GRB10: variants seen among roughly 807,000 people sequenced by gnomAD.
The protein encoded by GRB10 is growth factor receptor-bound protein 10.
A neutral mutation model predicts 80.9 loss-of-function variants in GRB10; 20 were observed. The observed-to-expected ratio is 0.25, with a 90% CI of 0.17 to 0.36. The LOEUF is 0.36. Among genes scored for constraint, GRB10 ranks in the 10% least tolerant of loss-of-function variants. The pLI is 1.00. For synonymous variants in GRB10, 291 were observed against 291.5 expected (o/e 1.00, Z 0.02); for missense variants, 548 against 747.7 (o/e 0.73, Z 3.12).
At chr7:50,658,291 A>G (rs977532460) in intron 7 of GRB10, among the ~76,000 whole-genome samples, 1 of 152,232 alleles carries the variant, frequency 6.6e-6, no homozygotes, top group Non-Finnish European at 1.5e-5. Flanking sequence ...GTTTGCTCGC[A>G]GTCATTTATG....
intron 7 of GRB10, among the ~76,000 whole-genome samples, chr7:50,664,644 C>T (rs886774113): frequency 2.0e-5 from 3 of 152,164 alleles, no homozygotes; most frequent in African/African-American, 4.8e-5. Context: ...GAGGGTCTGA[C>T]GCAAAGGAGG....
At chr7:50,614,916 C>T (rs1194377355) in intron 11 of GRB10, 36 bp from the exon 12 acceptor site, 9 of 1,340,464 alleles carry the variant, frequency 6.7e-6, no homozygotes, top group Non-Finnish European at 9.7e-6. Context: ...GTCTCAAGCA[C>T]AGCAAAGAGC....
chr7:50,742,145 C>A (rs1044215751), intron 3 of GRB10, among the ~76,000 whole-genome samples: 22 of 152,110 alleles, frequency 1.4e-4, no homozygotes, highest in African/African-American at 5.1e-4. Flanking sequence ...GATGGAAGAA[C>A]CAATCAATGA....
At chr7:50,742,723 G>A (rs1408710261) in intron 3 of GRB10, among the ~76,000 whole-genome samples, 3 of 152,174 alleles carry the variant, frequency 2.0e-5, no homozygotes, top group East Asian at 3.9e-4. Context: ...AATGAATCTC[G>A]GGGATGGGGA....
At chr7:50,749,138 T>TTTTG (rs1370603339) in intron 3 of GRB10, among the ~76,000 whole-genome samples, 2 of 85,978 alleles carry the variant, frequency 2.3e-5, no homozygotes, top group Non-Finnish European at 3.1e-5. Context: ...TTGTTTGTTT[T>TTTTG]TTTTTTTTGA....
chr7:50,790,164 T>C (rs1251539688), intron 1 of GRB10, among the ~76,000 whole-genome samples: 2 of 152,184 alleles, frequency 1.3e-5, no homozygotes, highest in Non-Finnish European at 2.9e-5. Flanking sequence ...TCCCTAAAAG[T>C]GTGCAGCTAA....
At chr7:50,651,457 C>T (rs2058000203) in intron 7 of GRB10, among the ~76,000 whole-genome samples, 1 of 152,158 alleles carries the variant, frequency 6.6e-6, no homozygotes, top group African/African-American at 2.4e-5. Context: ...TCCAAATTTC[C>T]CCTTAGAAAA....
chr7:50,686,258 T>A (rs549431379), intron 5 of GRB10, among the ~76,000 whole-genome samples: 40 of 152,116 alleles, frequency 2.6e-4, no homozygotes, highest in Admixed American at 1.0e-3. Context: ...CATTCCACCA[T>A]GTGAGGACAC....
chr7:50,689,885 G>C (rs2062588446), intron 5 of GRB10, among the ~76,000 whole-genome samples: 1 of 151,266 alleles, frequency 6.6e-6, no homozygotes, highest in Non-Finnish European at 1.5e-5. Flanking sequence ...TTTGGGGATA[G>C]AGTTTAAAAT....
chr7:50,658,933 C>T (rs1438563324), intron 7 of GRB10, among the ~76,000 whole-genome samples: 1 of 152,300 alleles, frequency 6.6e-6, no homozygotes. Context: ...GCAGGGGCTG[C>T]GGTCCCTAGA....
intron 9 of GRB10, among the ~76,000 whole-genome samples, chr7:50,618,788 G>A (rs936524053): frequency 2.6e-5 from 4 of 152,190 alleles, no homozygotes; most frequent in East Asian, 1.9e-4. Flanking sequence ...ATTCTTCCAC[G>A]TATGATCACA....
intron 5 of GRB10, among the ~76,000 whole-genome samples, chr7:50,676,344 G>GGGGGGAGGCGGGGGC (rs1563400757): frequency 7.4e-6 from 1 of 135,912 alleles, no homozygotes; most frequent in Non-Finnish European, 1.7e-5. Context: ...CCGGGGGGGG[G>GGGGGGAGGCGGGGGC]GGGGGGTTGT....
chr7:50,596,931 T>A (rs1400089357), intron 17 of GRB10, among the ~76,000 whole-genome samples: 1 of 152,058 alleles, frequency 6.6e-6, no homozygotes, highest in East Asian at 1.9e-4. Context: ...TAGTTATACA[T>A]CAGAAAGCGA....
chr7:50,698,246 T>C (rs1250700854), intron 5 of GRB10, among the ~76,000 whole-genome samples: 2 of 152,240 alleles, frequency 1.3e-5, no homozygotes, highest in Non-Finnish European at 2.9e-5. Context: ...AAGTTACAAA[T>C]TATTCTCCCA....
intron 5 of GRB10, among the ~76,000 whole-genome samples, chr7:50,680,893 C>T (rs948121304): frequency 3.3e-5 from 5 of 152,062 alleles, no homozygotes; most frequent in Non-Finnish European, 5.9e-5. Flanking sequence ...AGGGCAGGGG[C>T]ATTGTCTTCT....
chr7:50,766,089 G>A (rs2153707043), intron 2 of GRB10, among the ~76,000 whole-genome samples: 1 of 152,288 alleles, frequency 6.6e-6, no homozygotes. Context: ...TTCTGGGTTC[G>A]ACTATTTAAA....
At chr7:50,671,415 T>C (rs2060337819) in intron 6 of GRB10, among the ~76,000 whole-genome samples, 1 of 152,156 alleles carries the variant, frequency 6.6e-6, no homozygotes, top group African/African-American at 2.4e-5. Flanking sequence ...TTACCAACTT[T>C]CCCTATTTTT....
At chr7:50,747,699 G>A (rs957761565) in intron 3 of GRB10, 2 of 152,240 alleles carry the variant, frequency 1.3e-5, no homozygotes, top group African/African-American at 4.8e-5. Context: ...GAGGAGAGAA[G>A]CTGAGAAACC....
chr7:50,693,937 A>C (rs1345665525), intron 5 of GRB10, among the ~76,000 whole-genome samples: 3 of 151,866 alleles, frequency 2.0e-5, no homozygotes, highest in African/African-American at 7.3e-5. Context: ...AGCCAGCTGG[A>C]GCAACAAAGT....
Sources: gnomAD v4.1 joint callset for allele counts (sites outside exome capture counted in the v4.1 genomes callset) on GRCh38, gnomAD v4.1.1 for gene constraint, MANE v1.5 for transcripts, NCBI Gene and HGNC (gene_info 2026-07-23, HGNC 2026-07-21) for gene names.